BMP8A: variants seen among roughly 807,000 people sequenced by gnomAD.
The protein encoded by BMP8A is bone morphogenetic protein 8a.
A neutral mutation model predicts 36.8 loss-of-function variants in BMP8A; 14 were observed. The ratio of observed to expected loss-of-function variants is 0.38; its 90% confidence interval spans 0.25 to 0.60. The LOEUF is 0.60. Among genes scored for constraint, BMP8A ranks in the 20% least tolerant of loss-of-function variants. The probability of loss-of-function intolerance (pLI) is 0.63; values close to 1 mark genes in which losing one functional copy is unlikely to be tolerated. For synonymous variants in BMP8A, 120 were observed against 237.7 expected, an observed-to-expected ratio of 0.50 and a Z score of 4.55; for missense variants, 267 against 551.1, an observed-to-expected ratio of 0.48 and a Z score of 5.16.
intron 1 of BMP8A, among the ~76,000 whole-genome samples, chr1:39,505,227 C>T (rs1466766208): frequency 1.3e-5 from 2 of 152,120 alleles, no homozygotes; most frequent in Non-Finnish European, 2.9e-5. Flanking sequence ...CTCAGGCTGT[C>T]TCAGTGCGGG....
At chr1:39,495,271 G>A (rs1003643749) in intron 1 of BMP8A, among the ~76,000 whole-genome samples, 4 of 152,200 alleles carry the variant, frequency 2.6e-5, no homozygotes, top group African/African-American at 7.2e-5. Flanking sequence ...CCCAGAGGGC[G>A]GGGCTCTCGC....
chr1:39,515,363 G>A (rs1553471367), intron 3 of BMP8A: 2 of 845,670 alleles, frequency 2.4e-6, no homozygotes, highest in Non-Finnish European at 3.5e-6. Flanking sequence ...TGGAGCTCAC[G>A]CCCCAGGGCA....
At chr1:39,522,580 T>G in intron 5 of BMP8A, 98 bp downstream of exon 5, 1 of 1,325,288 alleles carries the variant, frequency 7.5e-7, no homozygotes, top group Non-Finnish European at 1.0e-6. Flanking sequence ...GACTTCAATT[T>G]TCTTATGTAT....
intron 1 of BMP8A, among the ~76,000 whole-genome samples, chr1:39,496,975 C>A (rs1260573014): frequency 1.3e-5 from 2 of 152,248 alleles, no homozygotes; most frequent in African/African-American, 2.4e-5. Flanking sequence ...CTTCCGGCAA[C>A]TACTTTCTGA....
chr1:39,508,506 G>C (rs1013187592), intron 1 of BMP8A, among the ~76,000 whole-genome samples: 5 of 152,208 alleles, frequency 3.3e-5, no homozygotes, highest in Admixed American at 6.5e-5. Flanking sequence ...TATCACATAG[G>C]TTGCCCACAG....
chr1:39,495,279 C>T (rs80339610), intron 1 of BMP8A, among the ~76,000 whole-genome samples: 5,547 of 152,296 alleles, frequency 0.036, 397 homozygotes, highest in East Asian at 0.33. Flanking sequence ...GCGGGGCTCT[C>T]GCTGGCTTCC....
At chr1:39,504,639 C>T (rs758139378) in intron 1 of BMP8A, among the ~76,000 whole-genome samples, 15 of 152,234 alleles carry the variant, frequency 9.9e-5, no homozygotes, top group East Asian at 1.9e-4. Context: ...GGGTATTTCT[C>T]GAAAGGTGGA....
intron 1 of BMP8A, among the ~76,000 whole-genome samples, chr1:39,508,652 C>T (rs1450547683): frequency 6.6e-6 from 1 of 152,234 alleles, no homozygotes; most frequent in East Asian, 1.9e-4. Context: ...AAATGCTCTT[C>T]CTCAGCCCCA....
In BMP8A at chr1:39,492,173, G is replaced by T; in HGVS notation, c.182G>T (p.Arg61Leu). The T allele has an allele frequency of 7.6e-7, 1 of 1,318,512 alleles. No homozygotes were observed. The highest frequency in any genetic ancestry group is 9.6e-7 in the Non-Finnish European group (1 of 1,041,922). 81.7% of individuals were successfully genotyped at this position (1,318,512 alleles called of 1,614,324 possible). ...GGGCTACCCGGGCGGCCCCGGCCCC[G>T]CGCGCCACCCGCCGCCTCCCGGCTG... is the stretch of plus-strand genomic sequence containing the variant. Reference protein sequence around the residue: ...VLGLPGRPRPRAPPAASRLPA... With the variant: ...VLGLPGRPRPLAPPAASRLPA... Residue 61 changes from arginine (R) to leucine (L), a missense_variant, in exon 1 of 7, where the codon CGC becomes CTC. Coordinates refer to ENST00000331593, the MANE Select transcript of BMP8A (RefSeq NM_181809.4).
Position 39,492,100 on chromosome 1 carries a change from GGC to G in BMP8A, c.117_118del (p.Glu40AlafsTer91), listed in dbSNP as rs1368933941. ...GCCCGGCTGTCCCCAGCGACGTCTGGGCGCGCGCGAGCGCCGGGACGTGCAGC... is the reference window on the plus strand; with the variant it reads ...GCCCGGCTGTCCCCAGCGACGTCTGGGCGCGCGAGCGCCGGGACGTGCAGC... ...PPPGCPQRRL[G>X]ARERRDVQRE... On this transcript the variant is annotated frameshift_variant, in exon 1 of 7. Coordinates refer to ENST00000331593, the MANE Select transcript of BMP8A (RefSeq NM_181809.4). LOFTEE classifies it high-confidence loss of function. The G allele has an allele frequency of 1.7e-6, 2 of 1,171,940 alleles. No homozygotes were observed. Among genetic ancestry groups the G allele is most frequent in the African/African-American group, 1.6e-5 (1 of 61,562 alleles). The allele number at this position is 1,171,940 out of a possible 1,614,324, so 72.6% of individuals were successfully genotyped here.
intron 6 of BMP8A, chr1:39,525,293 T>G (rs1343908782): frequency 2.4e-5 from 6 of 250,690 alleles, no homozygotes; most frequent in Admixed American, 2.0e-4. Context: ...GGTTCCCCCT[T>G]GGGGACCTCA....
chr1:39,499,041 A>C (rs1448757523), intron 1 of BMP8A, among the ~76,000 whole-genome samples: 2 of 152,050 alleles, frequency 1.3e-5, no homozygotes, highest in African/African-American at 2.4e-5. Context: ...ACAGCGGCCG[A>C]TGAGCTGACA....
In BMP8A at chr1:39,492,062, G is replaced by A; in HGVS notation, c.71G>A (p.Gly24Asp). ...TGCGCGCTGGGCGGGGGCGGCCCCGGCCTGCGACCCCCGCCCGGCTGTCCC... is the reference window on the plus strand; with the variant it reads ...TGCGCGCTGGGCGGGGGCGGCCCCGACCTGCGACCCCCGCCCGGCTGTCCC... The part of the protein sequence containing the change: ...TLCALGGGGP[G>D]LRPPPGCPQR... Residue 24 changes from glycine (G) to aspartate (D), a missense_variant, in exon 1 of 7, where the codon GGC becomes GAC. Gly to Asp is a moderately conservative substitution (Grantham distance 94). Around this residue, in one of 7 missense-constraint regions of BMP8A, gnomAD observed 56 missense variants for 74.1 expected, o/e 0.76. Transcript: ENST00000331593. 1.9e-5 allele frequency: 21 copies of A among 1,111,208 alleles called. No individual in the cohort carries two copies. Among genetic ancestry groups the A allele is most frequent in the Non-Finnish European group, 2.3e-5 (21 of 912,954 alleles). The allele number at this position is 1,111,208 out of a possible 1,614,324, so 68.8% of individuals were successfully genotyped here. A position where few individuals can be genotyped will look rare whatever the true frequency, so the allele number is the denominator to read the frequency against.
At chr1:39,504,252 G>A (rs1027416866) in intron 1 of BMP8A, among the ~76,000 whole-genome samples, 7 of 151,526 alleles carry the variant, frequency 4.6e-5, no homozygotes, top group Non-Finnish European at 1.0e-4. Flanking sequence ...GGGCCCAGGG[G>A]ACCGGCACTC....
At chr1:39,522,528 T>C (rs371597606) in intron 5 of BMP8A, 46 bp downstream of exon 5, 3 of 1,602,946 alleles carry the variant, frequency 1.9e-6, no homozygotes, top group Non-Finnish European at 2.6e-6. Flanking sequence ...TCACCACCTG[T>C]AGATCAGAAG....
In BMP8A at chr1:39,509,277, A is replaced by G. The variant is rs186105898; in HGVS notation, c.335-1897A>G. On this transcript the variant is annotated intron_variant, in intron 1 of 6. Transcript: ENST00000331593. The stretch of plus-strand genomic sequence containing the variant: ...CAGCATGGACTGATTTTGTCTTGCA[A>G]ATGGGGGATTCTTACACAGCCATGT... Among the ~76,000 whole-genome samples, 228 of 152,246 alleles carry G rather than the reference A, an allele frequency of 1.5e-3. 1 individual carries two copies. The highest frequency in any genetic ancestry group is 5.2e-3 in the African/African-American group (218 of 41,538).
intron 3 of BMP8A, among the ~76,000 whole-genome samples, chr1:39,519,407 G>T (rs1342068894): frequency 7.3e-6 from 1 of 137,168 alleles, no homozygotes; most frequent in Non-Finnish European, 1.7e-5. Context: ...TATTTCTGCT[G>T]CTTCCCCATA....
chr1:39,503,753 T>C (rs1385739740), intron 1 of BMP8A, among the ~76,000 whole-genome samples: 1 of 151,934 alleles, frequency 6.6e-6, no homozygotes, highest in Non-Finnish European at 1.5e-5. Context: ...GACCTTGTGA[T>C]CCACTCACCT....
Position 39,522,911 on chromosome 1 carries a change from G to T in BMP8A, c.949-96G>T. On this transcript the variant is annotated intron_variant, in intron 5 of 6. Coordinates refer to ENST00000331593, the MANE Select transcript of BMP8A (RefSeq NM_181809.4). ...GTTCCTGGGTGGATTCAAGCCTCTT[G>T]GGGGAGACGGCCCTGCAGGGCTGGA... The T allele has an allele frequency of 5.0e-6, 6 of 1,208,880 alleles. No individual in the cohort carries two copies. The South Asian group carries it at 7.3e-5, about 15-fold the overall frequency. 74.9% of individuals were successfully genotyped at this position (1,208,880 alleles called of 1,614,324 possible).
Sources: allele counts gnomAD v4.1 joint callset (sites outside exome capture counted in the v4.1 genomes callset), GRCh38; gene constraint gnomAD v4.1.1; regional missense constraint gnomAD v4.1.1; transcripts MANE v1.5; gene names NCBI Gene and HGNC (gene_info 2026-07-23, HGNC 2026-07-21).